The following GALNT17 variants were observed in gnomAD, a reference collection of about 807,000 sequenced individuals.
The protein encoded by GALNT17 is polypeptide N-acetylgalactosaminyltransferase 17, also known as UDP-GalNAc:polypeptide N-acetylgalactosaminyltransferase-like 3.
A neutral mutation model predicts 63.7 loss-of-function variants in GALNT17; 29 were observed. That is an observed-to-expected ratio of 0.46 (90% CI 0.34 to 0.62). The LOEUF (loss-of-function observed/expected upper bound fraction) is 0.62. GALNT17 is among the 20% of genes least tolerant of loss of function. The pLI is 0.01. For synonymous variants in GALNT17, 305 were observed against 318.3 expected (o/e 0.96, Z 0.45); for missense variants, 603 against 799.6 (o/e 0.75, Z 2.97).
In GALNT17 at chr7:71,457,829, G is replaced by A. The variant is rs535265150; in HGVS notation, c.962+36724G>A. 5.9e-5 allele frequency among the ~76,000 whole-genome samples: 9 copies of A among 152,232 alleles called. No individual in the cohort carries two copies. In the South Asian group the frequency reaches 8.3e-4, roughly 14 times the overall value. On this transcript the variant is annotated intron_variant, in intron 5 of 10. Coordinates refer to ENST00000333538, the MANE Select transcript of GALNT17 (RefSeq NM_022479.3). ...CTTATCTCATTCTGTGACTTAGAGC[G>A]CCTTAACTGTCTGGGAATCCAGCCC...
chr7:71,532,576 C>G (rs1196317979), intron 5 of GALNT17, among the ~76,000 whole-genome samples: 5 of 152,178 alleles, frequency 3.3e-5, no homozygotes, highest in African/African-American at 1.2e-4. Context: ...GTCACCCCAG[C>G]TAGGTTCTAT....
At chr7:71,630,864 T>G (rs1333659190) in intron 6 of GALNT17, among the ~76,000 whole-genome samples, 1 of 152,146 alleles carries the variant, frequency 6.6e-6, no homozygotes, top group African/African-American at 2.4e-5. Flanking sequence ...AATAAGCAAA[T>G]TTGAGATAGG....
At chr7:71,147,482 C>T (rs1314548178) in intron 1 of GALNT17, among the ~76,000 whole-genome samples, 1 of 152,156 alleles carries the variant, frequency 6.6e-6, no homozygotes, top group East Asian at 1.9e-4. Flanking sequence ...TTCCCCAGCC[C>T]ACTGACTCGA....
intron 1 of GALNT17, among the ~76,000 whole-genome samples, chr7:71,215,312 C>G (rs35502879): frequency 0.33 from 50,328 of 151,774 alleles, 9,326 homozygotes; most frequent in South Asian, 0.53. Context: ...TGTTTGTTTT[C>G]TGTTTATTGA....
chr7:71,461,770 C>T (rs1787454370), intron 5 of GALNT17, among the ~76,000 whole-genome samples: 1 of 152,230 alleles, frequency 6.6e-6, no homozygotes, highest in African/African-American at 2.4e-5. Context: ...ACCCCCTCCT[C>T]CTCTGCCTTT....
At chr7:71,187,507 A>G (rs897346297) in intron 1 of GALNT17, among the ~76,000 whole-genome samples, 7 of 152,030 alleles carry the variant, frequency 4.6e-5, no homozygotes, top group Non-Finnish European at 1.0e-4. Context: ...TATCATTGTT[A>G]CTTTTGCTCA....
At chr7:71,270,617 G>A (rs779337431) in intron 1 of GALNT17, among the ~76,000 whole-genome samples, 7 of 148,050 alleles carry the variant, frequency 4.7e-5, no homozygotes, top group Non-Finnish European at 8.9e-5. Context: ...TGGACTTAAT[G>A]TATGCATCAC....
At chr7:71,636,040 G>A (rs1395624848) in intron 6 of GALNT17, among the ~76,000 whole-genome samples, 1 of 152,152 alleles carries the variant, frequency 6.6e-6, no homozygotes, top group Non-Finnish European at 1.5e-5. Context: ...AGCCCAGTGG[G>A]TCTCAGCCTT....
At chr7:71,610,029 A>G (rs983453568) in intron 6 of GALNT17, among the ~76,000 whole-genome samples, 1 of 152,186 alleles carries the variant, frequency 6.6e-6, no homozygotes, top group African/African-American at 2.4e-5. Context: ...AACTGTGTCC[A>G]TGAATCAGTC....
At chr7:71,169,994 G>A (rs1346282817) in intron 1 of GALNT17, among the ~76,000 whole-genome samples, 1 of 151,134 alleles carries the variant, frequency 6.6e-6, no homozygotes, top group Non-Finnish European at 1.5e-5. Flanking sequence ...TTTAGATGGG[G>A]TCTTGCTATG....
In GALNT17 at chr7:71,580,869, C is replaced by T. The variant is rs375901417; in HGVS notation, c.1080+9467C>T. Among the ~76,000 whole-genome samples, 11 of 152,234 alleles carry T rather than the reference C, an allele frequency of 7.2e-5. No individual in the cohort carries two copies. The East Asian group carries it at 1.9e-3, about 27-fold the overall frequency. On this transcript the variant is annotated intron_variant, in intron 6 of 10. Coordinates refer to ENST00000333538, the MANE Select transcript of GALNT17 (RefSeq NM_022479.3). Reference sequence around the variant, plus strand: ...GGCATTTGCATGTGTGGGGATTAAGCCAAGGAGGGAGCACTAAGCCTGAGA... The same window carrying T: ...GGCATTTGCATGTGTGGGGATTAAGTCAAGGAGGGAGCACTAAGCCTGAGA...
chr7:71,402,653 G>A (rs910736636), intron 3 of GALNT17, among the ~76,000 whole-genome samples: 1 of 149,654 alleles, frequency 6.7e-6, no homozygotes, highest in African/African-American at 2.6e-5. Context: ...ATCTTGTCTC[G>A]GTTGGTTGTA....
chr7:71,495,464 A>T (rs1167406379), intron 5 of GALNT17, among the ~76,000 whole-genome samples: 1 of 152,216 alleles, frequency 6.6e-6, no homozygotes, highest in Non-Finnish European at 1.5e-5. Context: ...TTAGTAACAT[A>T]ATTAATCAAA....
intron 1 of GALNT17, among the ~76,000 whole-genome samples, chr7:71,178,136 A>G (rs1305749958): frequency 6.6e-6 from 1 of 151,690 alleles, no homozygotes; most frequent in Admixed American, 6.6e-5. Context: ...TTTATTTGAA[A>G]ATGTTTATGT....
intron 5 of GALNT17, among the ~76,000 whole-genome samples, chr7:71,556,065 A>G (rs1789158635): frequency 6.6e-6 from 1 of 152,238 alleles, no homozygotes; most frequent in South Asian, 2.1e-4. Context: ...CAGCATAGAA[A>G]AAGCCCATTC....
chr7:71,228,641 A>G (rs1789725641), intron 1 of GALNT17, among the ~76,000 whole-genome samples: 3 of 152,064 alleles, frequency 2.0e-5, no homozygotes, highest in African/African-American at 2.4e-5. Flanking sequence ...GCATCACTCT[A>G]TAATAGGGCC....
chr7:71,503,587 A>G (rs549703486), intron 5 of GALNT17, among the ~76,000 whole-genome samples: 2 of 152,198 alleles, frequency 1.3e-5, no homozygotes, highest in African/African-American at 4.8e-5. Context: ...CCTACTGGGA[A>G]TTATCTCTTG....
chr7:71,133,267 C>T (rs927930713), intron 1 of GALNT17, among the ~76,000 whole-genome samples: 1 of 152,188 alleles, frequency 6.6e-6, no homozygotes, highest in African/African-American at 2.4e-5. Context: ...TTGGTTTTAT[C>T]CTGGAAACAT....
chr7:71,690,384 A>G (rs937943132), intron 9 of GALNT17, among the ~76,000 whole-genome samples: 1 of 151,912 alleles, frequency 6.6e-6, no homozygotes, highest in African/African-American at 2.4e-5. Context: ...AAAAAAAAAG[A>G]TTCCTTTCAC....
Sources: gnomAD v4.1 joint callset for allele counts (sites outside exome capture counted in the v4.1 genomes callset) on GRCh38, gnomAD v4.1.1 for gene constraint, MANE v1.5 for transcripts, NCBI Gene and HGNC (gene_info 2026-07-23, HGNC 2026-07-21) for gene names.